SHISA9: variants seen among roughly 807,000 people sequenced by gnomAD.
SHISA9 encodes the protein shisa family member 9, also known as protein shisa-9.
A neutral mutation model predicts 38.0 loss-of-function variants in SHISA9; 13 were observed. The ratio of observed to expected loss-of-function variants is 0.34; its 90% confidence interval spans 0.22 to 0.54. SHISA9 has a LOEUF of 0.54. Among genes scored for constraint, SHISA9 ranks in the 20% least tolerant of loss-of-function variants. The pLI, the probability that SHISA9 is intolerant of heterozygous loss-of-function variation, is 0.91. For synonymous variants in SHISA9, 275 were observed against 242.0 expected (o/e 1.14, Z -1.27); for missense variants, 538 against 575.8 (o/e 0.93, Z 0.67).
chr16:13,296,434 A>G, the SHISA9 span, among the ~76,000 whole-genome samples: 1 of 151,900 alleles, frequency 6.6e-6, no homozygotes, highest in African/African-American at 2.4e-5. Flanking sequence ...AGGGGGGAAA[A>G]AAACAGATCC....
the SHISA9 span, among the ~76,000 whole-genome samples, chr16:13,411,409 C>T: frequency 1.3e-5 from 2 of 152,294 alleles, no homozygotes; most frequent in Admixed American, 6.5e-5. Context: ...TAGCAATGGC[C>T]ATATGCAATA....
intron 2 of SHISA9, among the ~76,000 whole-genome samples, chr16:13,132,246 AG>A (rs2050312565): frequency 1.3e-5 from 2 of 152,178 alleles, no homozygotes; most frequent in African/African-American, 4.8e-5. Flanking sequence ...GAATGGGGAT[AG>A]TAATAGTATC....
At chr16:13,447,941 G>C in the SHISA9 span, among the ~76,000 whole-genome samples, 2 of 152,210 alleles carry the variant, frequency 1.3e-5, no homozygotes, top group Non-Finnish European at 2.9e-5. Flanking sequence ...AAAGTCATTA[G>C]GTGAGGGTGA....
At chr16:13,163,016 C>T (rs1236134049) in intron 2 of SHISA9, among the ~76,000 whole-genome samples, 3 of 152,108 alleles carry the variant, frequency 2.0e-5, no homozygotes, top group Non-Finnish European at 4.4e-5. Flanking sequence ...GAAGGAAAGA[C>T]AAGGAATTCT....
At chr16:13,475,822 G>C in the SHISA9 span, among the ~76,000 whole-genome samples, 4 of 152,136 alleles carry the variant, frequency 2.6e-5, no homozygotes, top group African/African-American at 9.7e-5. Context: ...CAGATCATCA[G>C]GTGTTAGATT....
chr16:12,949,198 G>A (rs1444727426), intron 2 of SHISA9, among the ~76,000 whole-genome samples: 2 of 152,188 alleles, frequency 1.3e-5, no homozygotes, highest in African/African-American at 4.8e-5. Flanking sequence ...GGGAGTACTA[G>A]CAGGAAAAGT....
chr16:13,080,431 T>C (rs2073635466), intron 2 of SHISA9, among the ~76,000 whole-genome samples: 1 of 152,190 alleles, frequency 6.6e-6, no homozygotes, highest in African/African-American at 2.4e-5. Context: ...ATTTTTATCT[T>C]AGCCTAGTTT....
chr16:13,531,263 C>G, the SHISA9 span, among the ~76,000 whole-genome samples: 2 of 152,046 alleles, frequency 1.3e-5, no homozygotes, highest in Admixed American at 1.3e-4. Flanking sequence ...ACCTGGGACC[C>G]CAGTAAGGGC....
chr16:13,081,987 A>G (rs1486819128), intron 2 of SHISA9, among the ~76,000 whole-genome samples: 2 of 152,162 alleles, frequency 1.3e-5, no homozygotes, highest in African/African-American at 4.8e-5. Flanking sequence ...GTAAGTGGAG[A>G]CATGAGCTGC....
chr16:13,071,983 G>A (rs1355825709), intron 2 of SHISA9, among the ~76,000 whole-genome samples: 6 of 152,032 alleles, frequency 3.9e-5, no homozygotes, highest in Non-Finnish European at 7.4e-5. Flanking sequence ...TTCCCAAATC[G>A]CCTAGGGCCT....
At chr16:13,231,175 A>G (rs1042905626) in intron 4 of SHISA9, among the ~76,000 whole-genome samples, 4 of 152,066 alleles carry the variant, frequency 2.6e-5, no homozygotes, top group African/African-American at 9.7e-5. Context: ...GAGGAGCATG[A>G]AGTCAACCAT....
At chr16:13,500,881 G>A in the SHISA9 span, among the ~76,000 whole-genome samples, 1 of 152,192 alleles carries the variant, frequency 6.6e-6, no homozygotes, top group East Asian at 1.9e-4. Flanking sequence ...GTTTCAGGAA[G>A]CTTTAGGTAA....
At chr16:13,472,573 T>C in the SHISA9 span, among the ~76,000 whole-genome samples, 1 of 151,828 alleles carries the variant, frequency 6.6e-6, no homozygotes, top group Admixed American at 6.6e-5. Context: ...TTTGTATTTT[T>C]AGTAGAGATG....
At chr16:13,172,407 G>A (rs2050694145) in intron 2 of SHISA9, among the ~76,000 whole-genome samples, 1 of 152,200 alleles carries the variant, frequency 6.6e-6, no homozygotes, top group Non-Finnish European at 1.5e-5. Flanking sequence ...CCAGGTAACT[G>A]GCTGGTTGTT....
At chr16:13,078,296 CG>C (rs1477123134) in intron 2 of SHISA9, among the ~76,000 whole-genome samples, 1 of 152,166 alleles carries the variant, frequency 6.6e-6, no homozygotes, top group Non-Finnish European at 1.5e-5. Context: ...TACTTTAGAT[CG>C]TCTCTAGGTT....
rs541910274 is a variant in SHISA9 at position 13,035,505 on chromosome 16, G to T, written c.691+118690G>T. ...TTGTGAATTGCATTATTCTGAGGTT[G>T]ATTATGATTATGTGTTCCTGTAATT... On this transcript the variant is annotated intron_variant, in intron 2 of 4. Coordinates refer to ENST00000558583, the MANE Select transcript of SHISA9 (RefSeq NM_001145204.3). Among the ~76,000 whole-genome samples the T allele has an allele frequency of 2.0e-5, 3 of 150,880 alleles. No individual in the cohort carries two copies. In the South Asian group the frequency reaches 6.3e-4, roughly 32 times the overall value.
At chr16:13,223,825 T>C (rs182647417) in intron 4 of SHISA9, among the ~76,000 whole-genome samples, 1 of 152,144 alleles carries the variant, frequency 6.6e-6, no homozygotes, top group African/African-American at 2.4e-5. Context: ...TTTATAAATA[T>C]TGTCAAAGAA....
At chr16:13,067,843 G>A (rs1425939719) in intron 2 of SHISA9, among the ~76,000 whole-genome samples, 2 of 152,122 alleles carry the variant, frequency 1.3e-5, no homozygotes, top group East Asian at 1.9e-4. Context: ...CAGCCCCCAC[G>A]CTGCTGCCTT....
chr16:13,361,044 T>C, the SHISA9 span, among the ~76,000 whole-genome samples: 1 of 152,244 alleles, frequency 6.6e-6, no homozygotes, highest in Non-Finnish European at 1.5e-5. Context: ...AGGTTCTCTT[T>C]TGGAGAGATT....
Sources: allele counts gnomAD v4.1 joint callset (sites outside exome capture counted in the v4.1 genomes callset), GRCh38; gene constraint gnomAD v4.1.1; transcripts MANE v1.5; gene names NCBI Gene and HGNC (gene_info 2026-07-23, HGNC 2026-07-21).